The following TMEM164 variants were observed in gnomAD, a reference collection of about 807,000 sequenced individuals.
TMEM164 encodes the protein transmembrane protein 164, also known as RP13-360B22.2.
A neutral mutation model predicts 18.8 loss-of-function variants in TMEM164; 4 were observed. The observed-to-expected ratio is 0.21, with a 90% CI of 0.10 to 0.49. The LOEUF (loss-of-function observed/expected upper bound fraction) is 0.49, where lower values mean the gene tolerates loss of function less well. TMEM164 is among the 20% of genes least tolerant of loss of function. The pLI, the probability that TMEM164 is intolerant of heterozygous loss-of-function variation, is 0.98. For missense variants in TMEM164, 108 were observed against 239.9 expected, an observed-to-expected ratio of 0.45 and a Z score of 3.63; for synonymous variants, 86 against 101.7, an observed-to-expected ratio of 0.85 and a Z score of 0.93.
chrX:110,039,297 C>T (rs1246267171), intron 2 of TMEM164, among the ~76,000 whole-genome samples: 1 of 112,399 alleles, frequency 8.9e-6, no homozygotes, highest in African/African-American at 3.2e-5. Context: ...CTTGCTTTTG[C>T]CTTCCTGAAG....
intron 3 of TMEM164, among the ~76,000 whole-genome samples, chrX:110,105,964 G>C (rs1162174463): frequency 9.0e-6 from 1 of 111,448 alleles, no homozygotes; most frequent in African/African-American, 3.3e-5. Flanking sequence ...ACTATGAAAT[G>C]AGGAAGATGA....
At chrX:110,180,892 C>T (rs749241439), downstream of TMEM164, among the ~76,000 whole-genome samples, 1 of 111,901 alleles carries the variant, frequency 8.9e-6, no homozygotes, top group African/African-American at 3.3e-5. Flanking sequence ...GTGATGCCAA[C>T]CTGCCACTGT....
At chrX:110,171,023 A>G (rs1162821436) in intron 5 of TMEM164, among the ~76,000 whole-genome samples, 4 of 112,429 alleles carry the variant, frequency 3.6e-5, no homozygotes, top group Non-Finnish European at 7.5e-5. Flanking sequence ...AACACGAGGA[A>G]ATAAATGTGG....
intron 2 of TMEM164, among the ~76,000 whole-genome samples, chrX:110,040,048 T>C (rs1184111188): frequency 8.9e-6 from 1 of 111,862 alleles, no homozygotes; most frequent in East Asian, 2.8e-4. Context: ...TTCATAGATA[T>C]TAAAATAAAA....
downstream of TMEM164, among the ~76,000 whole-genome samples, chrX:110,180,354 G>A (rs888652019): frequency 1.8e-5 from 2 of 112,581 alleles, no homozygotes; most frequent in Non-Finnish European, 3.8e-5. Flanking sequence ...GCCAGTGCCA[G>A]TGGAGGAACA....
In TMEM164 at chrX:110,175,730, A is replaced by G. The variant is rs908401077; in HGVS notation, c.*2279A>G. ...AGATTGGCTCAGAAACATGTAGGTC[A>G]AAAGAATAGAGGGGGCCCAGTCTAT... is the stretch of plus-strand genomic sequence containing the variant. On this transcript the variant is annotated 3_prime_UTR_variant, in exon 7 of 7. Coordinates refer to ENST00000372068, the MANE Select transcript of TMEM164 (RefSeq NM_032227.4). The G allele has an allele frequency of 2.4e-5, 18 of 752,871 alleles. No individual in the cohort carries two copies. Among genetic ancestry groups the G allele is most frequent in the Non-Finnish European group, 2.8e-5 (18 of 639,061 alleles). 62.0% of individuals were successfully genotyped at this position (752,871 alleles called of 1,213,427 possible). A position where few individuals can be genotyped will look rare whatever the true frequency, so the allele number is the denominator to read the frequency against.
intron 5 of TMEM164, among the ~76,000 whole-genome samples, chrX:110,168,841 G>T (rs749841265): frequency 1.8e-5 from 2 of 112,261 alleles, no homozygotes; most frequent in East Asian, 2.8e-4. Context: ...CTCCATGCTC[G>T]CCCCCATCCT....
chrX:110,152,489 T>C (rs2066957612), intron 5 of TMEM164, among the ~76,000 whole-genome samples: 1 of 111,939 alleles, frequency 8.9e-6, no homozygotes, highest in Non-Finnish European at 1.9e-5. Flanking sequence ...TAGTTCCTTT[T>C]ATTATTATTT....
At chrX:110,064,191 A>G (rs1936234110) in intron 2 of TMEM164, among the ~76,000 whole-genome samples, 1 of 111,965 alleles carries the variant, frequency 8.9e-6, no homozygotes, top group African/African-American at 3.2e-5. Context: ...AGATGTCAGC[A>G]TGAATGCAAA....
intron 2 of TMEM164, among the ~76,000 whole-genome samples, chrX:110,031,767 C>A (rs1934520906): frequency 9.0e-6 from 1 of 110,689 alleles, no homozygotes. Context: ...TCCCTAATCC[C>A]TCCTTTCCCC....
intron 5 of TMEM164, among the ~76,000 whole-genome samples, chrX:110,170,020 G>A (rs1012999649): frequency 2.7e-5 from 3 of 111,636 alleles, no homozygotes; most frequent in African/African-American, 6.5e-5. Context: ...CCTATGTGTC[G>A]CAGCCTGGAG....
At chrX:110,028,902 G>A (rs1347093670) in intron 2 of TMEM164, among the ~76,000 whole-genome samples, 2 of 111,684 alleles carry the variant, frequency 1.8e-5, no homozygotes, top group African/African-American at 6.5e-5. Context: ...TCTTCTTTTA[G>A]TACTGTTAAC....
rs754620678 is a variant in TMEM164, at chrX:110,049,489, C to G, written c.391-17858C>G. Among the ~76,000 whole-genome samples the G allele has an allele frequency of 2.7e-5, 3 of 111,376 alleles. No individual in the cohort carries two copies. In the South Asian group the frequency reaches 1.1e-3, roughly 42 times the overall value. On this transcript the variant is annotated intron_variant, in intron 2 of 6. Transcript: ENST00000372068. Reference sequence around the variant, plus strand: ...TCCAAAGCATGCAGCCTAGATCCCTCTCATGCTCCTATGAGAATATAATGC... The same window carrying G: ...TCCAAAGCATGCAGCCTAGATCCCTGTCATGCTCCTATGAGAATATAATGC...
At position 110,004,040 on chromosome X, in the gene TMEM164, G is replaced by A; in HGVS notation, c.266G>A (p.Ser89Asn). 1.7e-6 allele frequency: 2 copies of A among 1,211,493 alleles called. No individual in the cohort carries two copies. The highest frequency in any genetic ancestry group is 2.2e-6 in the Non-Finnish European group (2 of 895,476). ...CAGCGGCCAGAGGAAGGCAAGGAGAGCCTGAGCAAGAATCTGCTCTTAGTA... is the reference window on the plus strand; with the variant it reads ...CAGCGGCCAGAGGAAGGCAAGGAGAACCTGAGCAAGAATCTGCTCTTAGTA... ...VTQRPEEGKE[S>N]LSKNLLLVAL... is the part of the protein sequence containing the mutation. The change falls in exon 2 of 7, where the codon AGC (serine) becomes AAC (asparagine). Residue 89 changes from serine to asparagine, a missense_variant. Ser to Asn is a conservative substitution (Grantham distance 46, BLOSUM62 1). Coordinates refer to ENST00000372068, the MANE Select transcript of TMEM164 (RefSeq NM_032227.4).
chrX:110,172,942 G>A (rs890320211), intron 6 of TMEM164, among the ~76,000 whole-genome samples: 7 of 111,814 alleles, frequency 6.3e-5, no homozygotes, highest in Non-Finnish European at 1.3e-4. Flanking sequence ...ACACCTCTCC[G>A]GGGTCTAGGC....
At chrX:110,035,068 T>G (rs1407251388) in intron 2 of TMEM164, among the ~76,000 whole-genome samples, 4 of 58,133 alleles carry the variant, frequency 6.9e-5, no homozygotes, top group Admixed American at 2.6e-4. Context: ...TGGGGACTGT[T>G]GTGGGGTGGG....
At chrX:110,010,393 G>A (rs960916578) in intron 2 of TMEM164, among the ~76,000 whole-genome samples, 3 of 112,687 alleles carry the variant, frequency 2.7e-5, no homozygotes, top group Middle Eastern at 4.3e-3. Context: ...CTTGTCTCAC[G>A]TGCTCCTCTC....
At chrX:110,002,783 C>A (rs1241993453), upstream of TMEM164, 1 of 109,073 alleles carries the variant, frequency 9.2e-6, no homozygotes, top group African/African-American at 3.3e-5. Flanking sequence ...GTGAGTGAAG[C>A]CCCGAGGGGC....
At position 110,011,459 on chromosome X, in the gene TMEM164, G is replaced by A. The variant is rs1393785888; in HGVS notation, c.390+7295G>A. 2.7e-5 allele frequency among the ~76,000 whole-genome samples: 3 copies of A among 111,789 alleles called. No homozygotes were observed. In the Admixed American group the frequency reaches 2.8e-4, roughly 11 times the overall value. The stretch of plus-strand genomic sequence containing the variant: ...CCTAGAACAGGGACTGGCTCTAGTA[G>A]GTGCTCAATAAATGTATTTGAATGC... On this transcript the variant is annotated intron_variant, in intron 2 of 6. Transcript: ENST00000372068.
Sources: gnomAD v4.1 joint callset for allele counts (sites outside exome capture counted in the v4.1 genomes callset) on GRCh38, gnomAD v4.1.1 for gene constraint, MANE v1.5 for transcripts, NCBI Gene and HGNC (gene_info 2026-07-23, HGNC 2026-07-21) for gene names.